MAPK7: variants seen among roughly 807,000 people sequenced by gnomAD.
MAPK7 encodes the protein BMK-1.
In MAPK7, 30 loss-of-function variants were observed where a neutral mutation model predicts 56.9. The ratio of observed to expected loss-of-function variants is 0.53; its 90% confidence interval spans 0.39 to 0.72. The LOEUF (loss-of-function observed/expected upper bound fraction) is 0.72, where lower values mean the gene tolerates loss of function less well. Among genes scored for constraint, MAPK7 ranks in the 30% least tolerant of loss-of-function variants. The pLI, the probability that MAPK7 is intolerant of heterozygous loss-of-function variation, is 0.00. For missense variants in MAPK7, 952 were observed against 1,110.8 expected, an observed-to-expected ratio of 0.86 and a Z score of 2.03; for synonymous variants, 516 against 449.3, an observed-to-expected ratio of 1.15 and a Z score of -1.88.
Position 19,381,088 on chromosome 17 carries a change from G to A in MAPK7, c.879G>A (p.Arg293=). Residue 293 remains arginine (R), a synonymous_variant, in exon 4 of 7, where the codon AGG becomes AGA. Coordinates refer to ENST00000395604, the MANE Select transcript of MAPK7 (RefSeq NM_002749.4). This position sits in a 1 kb window ranked among gnomAD's most constrained non-coding sequence, Gnocchi z 4.6. ...TGATTCAGGCTGTGGGGGCTGAGAG[G>A]GTGCGGGCCTATATCCAGAGCTTGC... ...PAVIQAVGAE[R]VRAYIQSLPP... The A allele has an allele frequency of 1.2e-6, 2 of 1,614,060 alleles. No homozygotes were observed. Among genetic ancestry groups the A allele is most frequent in the Non-Finnish European group, 1.7e-6 (2 of 1,180,024 alleles).
At chr17:19,380,465 T>C in intron 3 of MAPK7, 143 bp from the exon 4 acceptor site, 1 of 1,437,640 alleles carries the variant, frequency 7.0e-7, no homozygotes. Flanking sequence ...GATGCTCTTC[T>C]TCCATACCAT....
In MAPK7 at chr17:19,379,563, A is replaced by G. The variant is rs1912458683; in HGVS notation, c.233-219A>G. 6.8e-6 allele frequency: 4 copies of G among 585,082 alleles called. No homozygotes were observed. The South Asian group carries it at 8.5e-5, about 12-fold the overall frequency. 36.2% of individuals were successfully genotyped at this position (585,082 alleles called of 1,614,324 possible). ...TACTAAGCCATATTTCCTTCTCTTT[A>G]ACGTTGACCTATTGGGACCTGCCCC... On this transcript the variant is annotated intron_variant, in intron 2 of 6. Transcript: ENST00000395604.
intron 2 of MAPK7, 99 bp downstream of exon 2, chr17:19,379,231 TTCTGGCTCCAG>T (rs1292861719): frequency 3.7e-6 from 4 of 1,094,572 alleles, no homozygotes; most frequent in Non-Finnish European, 5.3e-6. Flanking sequence ...GGGGTGCGAG[TTCTGGCTCCAG>T]TCAACACACA....
At position 19,382,412 on chromosome 17, in the gene MAPK7, C is replaced by T. The variant is rs1349064795; in HGVS notation, c.2109C>T (p.Ser703=). Residue 703 remains serine, a synonymous_variant, in exon 5 of 7, where the codon TCC becomes TCT. Transcript: ENST00000395604. ...PPDAGGAPQS[S]MSESPDVNLV... is the part of the protein sequence containing the mutation. ...ACGCCGGGGGAGCCCCTCAGTCTTC[C>T]ATGTCAGAGTCACCTGATGTCAACC... The T allele has an allele frequency of 6.2e-7, 1 of 1,611,810 alleles. No homozygotes were observed. Among genetic ancestry groups the T allele is most frequent in the South Asian group, 1.1e-5 (1 of 90,796 alleles).
rs1567923265 is a variant in MAPK7 at position 19,382,372 on chromosome 17, G to A, written c.2069G>A (p.Gly690Asp). 1 of 1,613,562 alleles carries A rather than the reference G, an allele frequency of 6.2e-7. No homozygotes were observed. Among genetic ancestry groups the A allele is most frequent in the Non-Finnish European group, 8.5e-7 (1 of 1,180,014 alleles). ...TPGVLPYFPPGLPPPDAGGAP... is the reference protein window; with the variant it reads ...TPGVLPYFPPDLPPPDAGGAP... ...GGAGTTTTGCCTTACTTCCCACCTG[G>A]CCTGCCGCCCCCAGACGCCGGGGGA... Residue 690 changes from glycine to aspartate, a missense_variant, in exon 5 of 7, where the codon GGC becomes GAC. Coordinates refer to ENST00000395604, the MANE Select transcript of MAPK7 (RefSeq NM_002749.4).
At position 19,381,450 on chromosome 17, in the gene MAPK7, G is replaced by C. The variant is rs763030070; in HGVS notation, c.1241G>C (p.Cys414Ser). ...SLQPVASEPG[C>S]PDVEMPSPWA... ...CAGCCTGTGGCTAGTGAGCCTGGCT[G>C]TCCAGATGTTGAAATGCCCAGTCCC... Residue 414 changes from cysteine (C) to serine (S), a missense_variant, in exon 4 of 7, where the codon TGT (cysteine) becomes TCT (serine). This residue lies in a region of MAPK7 where 429 missense variants were observed against 533.0 expected (regional missense o/e 0.80). Transcript: ENST00000395604. This position sits in a 1 kb window ranked among gnomAD's most constrained non-coding sequence, Gnocchi z 4.6. The C allele has an allele frequency of 6.2e-7, 1 of 1,614,140 alleles. No homozygotes were observed. Among genetic ancestry groups the C allele is most frequent in the African/African-American group, 1.3e-5 (1 of 75,066 alleles).
Position 19,382,865 on chromosome 17 carries a change from C to T in MAPK7, c.2216C>T (p.Ala739Val). 3.7e-6 allele frequency: 6 copies of T among 1,614,214 alleles called. No individual in the cohort carries two copies. The South Asian group carries it at 6.6e-5, about 18-fold the overall frequency. Residue 739 changes from alanine to valine, a missense_variant, in exon 6 of 7, where the codon GCT (alanine) becomes GTT (valine). This residue lies in a region of MAPK7 where 73 missense variants were observed against 104.6 expected (regional missense o/e 0.70). Transcript: ENST00000395604. ...VFSGTPKGSG[A>V]GYGVGFDLEE... ...TCAGGCACACCAAAGGGCAGTGGGG[C>T]TGGCTACGGTGTTGGCTTTGACCTG...
Position 19,382,945 on chromosome 17 carries a change from G to A in MAPK7, c.2296G>A (p.Gly766Ser). The A allele has an allele frequency of 6.2e-6, 10 of 1,614,206 alleles. No individual in the cohort carries two copies. Among genetic ancestry groups the A allele is most frequent in the Non-Finnish European group, 8.5e-6 (10 of 1,180,016 alleles). Residue 766 changes from glycine (G) to serine (S), a missense_variant and splice_region_variant, in exon 6 of 7, where the codon GGC (glycine) becomes AGC (serine). Gly to Ser is a moderately conservative substitution (Grantham distance 56). Coordinates refer to ENST00000395604, the MANE Select transcript of MAPK7 (RefSeq NM_002749.4). ...DMGVADGPQDGQADSASLSAS... is the reference protein window; with the variant it reads ...DMGVADGPQDSQADSASLSAS... ...GGGCGTGGCTGATGGGCCACAGGAT[G>A]GGTAAGGTGGCTGGACTGAGCTCCT...
Position 19,382,454 on chromosome 17 carries a change from A to G in MAPK7, c.2151A>G (p.Leu717=), listed in dbSNP as rs548426591. The G allele has an allele frequency of 5.0e-6, 8 of 1,595,308 alleles. No homozygotes were observed. The East Asian group carries it at 8.9e-5, about 18-fold the overall frequency. Residue 717 remains leucine, a synonymous_variant, in exon 5 of 7, where the codon CTA becomes CTG. Transcript: ENST00000395604. ...ATGTCAACCTTGTGACCCAGCAGCT[A>G]TCTAAGTCACAGGTGAGAGGGAGGC... The part of the protein sequence containing the change: ...SPDVNLVTQQ[L]SKSQVEDPLP...
rs754399677 is a variant in MAPK7 at position 19,379,070 on chromosome 17, T to C, written c.170T>C (p.Ile57Thr). Residue 57 changes from isoleucine (I) to threonine (T), a missense_variant, in exon 2 of 7, where the codon ATC becomes ACC. Coordinates refer to ENST00000395604, the MANE Select transcript of MAPK7 (RefSeq NM_002749.4). ...VTFDVGDEYE[I>T]IETIGNGAYG... ...TTTGACGTGGGCGACGAGTACGAGA[T>C]CATCGAGACCATAGGCAACGGGGCC... 6.8e-6 allele frequency: 11 copies of C among 1,613,800 alleles called. No homozygotes were observed. The African/African-American group carries it at 1.1e-4, about 16-fold the overall frequency.
rs767632141 is a variant in MAPK7, at chr17:19,380,740, G to A, written c.531G>A (p.Gln177=). The change falls in exon 4 of 7, where the codon CAG becomes CAA. Residue 177 remains glutamine (Q), a synonymous_variant. Coordinates refer to ENST00000395604, the MANE Select transcript of MAPK7 (RefSeq NM_002749.4). ...LRGLKYMHSA[Q]VIHRDLKPSN... ...GCCTGAAGTACATGCACTCGGCTCAGGTCATCCACCGTGACCTGAAGCCCT... is the reference window on the plus strand; with the variant it reads ...GCCTGAAGTACATGCACTCGGCTCAAGTCATCCACCGTGACCTGAAGCCCT... The A allele has an allele frequency of 4.0e-5, 64 of 1,614,030 alleles. No individual in the cohort carries two copies. The highest frequency in any genetic ancestry group is 4.9e-5 in the Non-Finnish European group (58 of 1,180,016).
In MAPK7 at chr17:19,381,604, A is replaced by C. The variant is rs745500384; in HGVS notation, c.1395A>C (p.Pro465=). Residue 465 remains proline (P), a synonymous_variant, in exon 4 of 7, where the codon CCA becomes CCC. Transcript: ENST00000395604. This position sits in a 1 kb window ranked among gnomAD's most constrained non-coding sequence, Gnocchi z 4.6. ...CACCAGTCAGTGAGCCTGCCCCACC[A>C]AAGAAAGATGGTGCCATCTCAGACA... ...PPPPVSEPAP[P]KKDGAISDNT... 8 of 1,613,766 alleles carry C rather than the reference A, an allele frequency of 5.0e-6. No individual in the cohort carries two copies. The highest frequency in any genetic ancestry group is 6.8e-6 in the Non-Finnish European group (8 of 1,179,978).
chr17:19,378,062 T>C, upstream of MAPK7: 2 of 985,008 alleles, frequency 2.0e-6, no homozygotes, highest in Non-Finnish European at 2.4e-6. This position sits in a 1 kb window ranked among gnomAD's most constrained non-coding sequence, Gnocchi z 5.4. Flanking sequence ...GCGGACACAA[T>C]TCCCTGGGCG....
Position 19,381,116 on chromosome 17 carries a change from C to G in MAPK7, c.907C>G (p.Pro303Ala). ...GCGGGCCTATATCCAGAGCTTGCCA[C>G]CACGCCAGCCTGTGCCCTGGGAGAC... The part of the protein sequence containing the change: ...RVRAYIQSLP[P>A]RQPVPWETVY... Residue 303 changes from proline to alanine, a missense_variant, in exon 4 of 7, where the codon CCA becomes GCA. This residue lies in a region of MAPK7 where 429 missense variants were observed against 533.0 expected (regional missense o/e 0.80). Coordinates refer to ENST00000395604, the MANE Select transcript of MAPK7 (RefSeq NM_002749.4). This position sits in a 1 kb window ranked among gnomAD's most constrained non-coding sequence, Gnocchi z 4.6. 1.9e-6 allele frequency: 3 copies of G among 1,613,926 alleles called. No homozygotes were observed. Among genetic ancestry groups the G allele is most frequent in the East Asian group, 2.2e-5 (1 of 44,866 alleles).
rs1598119209 is a variant in MAPK7 at position 19,382,761 on chromosome 17, G to A, written c.2164-52G>A. On this transcript the variant is annotated intron_variant, in intron 5 of 6. Transcript: ENST00000395604. ...GGAGTAGTCAGCAGCATTGGGACAG[G>A]GTGGCCTACAGACCTCAGTCTGTCT... is the stretch of plus-strand genomic sequence containing the variant. 52 of 1,599,372 alleles carry A rather than the reference G, an allele frequency of 3.3e-5. No individual in the cohort carries two copies. The South Asian group carries it at 5.8e-4, about 18-fold the overall frequency.
In MAPK7 at chr17:19,382,190, C is replaced by G; in HGVS notation, c.1887C>G (p.Pro629=). 6.2e-7 allele frequency: 1 copy of G among 1,612,504 alleles called. No homozygotes were observed. The highest frequency in any genetic ancestry group is 1.1e-5 in the South Asian group (1 of 91,062). ...CGGGCTCTACCTCTGGCCCTGTACC[C>G]CAGCCTGCCTGCCCACCCCCTGGCC... The part of the protein sequence containing the change: ...QSAGSTSGPV[P]QPACPPPGPA... Residue 629 remains proline (P), a synonymous_variant, in exon 5 of 7, where the codon CCC becomes CCG. Coordinates refer to ENST00000395604, the MANE Select transcript of MAPK7 (RefSeq NM_002749.4).
upstream of MAPK7, chr17:19,378,236 C>T (rs964305576): frequency 4.1e-6 from 4 of 985,780 alleles, no homozygotes; most frequent in African/African-American, 3.5e-5. The surrounding 1 kb of genome is among the most constrained non-coding windows in gnomAD (Gnocchi z 5.4). Flanking sequence ...CTTCCATTCA[C>T]TTGGCGCCCG....
In MAPK7 at chr17:19,380,102, G is replaced by A. The variant is rs1029415057; in HGVS notation, c.398+155G>A. On this transcript the variant is annotated intron_variant, in intron 3 of 6. Coordinates refer to ENST00000395604, the MANE Select transcript of MAPK7 (RefSeq NM_002749.4). ...ACCAGTTCTTTAGAGTTTTGCCAGG[G>A]ACAACTGTTATTCCTCAAGAAGTGT... 57 of 759,588 alleles carry A rather than the reference G, an allele frequency of 7.5e-5. 2 individuals are homozygous for A. The highest frequency in any genetic ancestry group is 3.8e-4 in the Admixed American group (13 of 34,426). 47.1% of individuals were successfully genotyped at this position (759,588 alleles called of 1,614,324 possible). A position where few individuals can be genotyped will look rare whatever the true frequency, so the allele number is the denominator to read the frequency against.
Position 19,380,606 on chromosome 17 carries a change from A to G in MAPK7, c.399-2A>G. ...TGCTTCTCTCCTTCCTTCCCCTTCC[A>G]GCTACGTGGTCCTGGACCTGATGGA... On this transcript the variant is annotated splice_acceptor_variant, in intron 3 of 6. Transcript: ENST00000395604. LOFTEE classifies it high-confidence loss of function. 1.3e-6 allele frequency: 2 copies of G among 1,587,886 alleles called. No homozygotes were observed. The highest frequency in any genetic ancestry group is 1.7e-6 in the Non-Finnish European group (2 of 1,162,204).
Sources: gnomAD v4.1 joint callset for allele counts on GRCh38, gnomAD v4.1.1 for gene constraint, gnomAD v4.1.1 regional missense constraint, Gnocchi (gnomAD v3.1) non-coding constraint, MANE v1.5 for transcripts, NCBI Gene and HGNC (gene_info 2026-07-23, HGNC 2026-07-21) for gene names.